TDRD7: variants seen among roughly 807,000 people sequenced by gnomAD.
TDRD7 encodes tudor domain-containing protein 7.
TDRD7 carries 47 observed loss-of-function variants against 109.8 expected under a neutral mutation model. That is an observed-to-expected ratio of 0.43 (90% confidence interval 0.34 to 0.55). The LOEUF (loss-of-function observed/expected upper bound fraction) is 0.55. TDRD7 is among the 20% of genes least tolerant of loss of function. TDRD7 has a pLI of 0.03. For synonymous variants in TDRD7, 424 were observed against 457.3 expected, an observed-to-expected ratio of 0.93 and a Z score of 0.93; for missense variants, 1,164 against 1,319.2, an observed-to-expected ratio of 0.88 and a Z score of 1.82.
intron 6 of TDRD7, among the ~76,000 whole-genome samples, chr9:97,446,237 A>G (rs1021623926): frequency 2.0e-5 from 3 of 152,170 alleles, no homozygotes; most frequent in Non-Finnish European, 2.9e-5. Flanking sequence ...TAGCCAGAAT[A>G]TCTGTCTCCC....
At chr9:97,430,849 C>G in intron 2 of TDRD7, 84 bp from the exon 3 acceptor site, 1 of 1,564,462 alleles carries the variant, frequency 6.4e-7, no homozygotes, top group Non-Finnish European at 8.8e-7. Flanking sequence ...TGTAGGCTCA[C>G]TAAGATCCAC....
At chr9:97,488,813 A>G (rs932760265) in intron 16 of TDRD7, among the ~76,000 whole-genome samples, 2 of 152,144 alleles carry the variant, frequency 1.3e-5, no homozygotes, top group Non-Finnish European at 2.9e-5. Context: ...TTTCCCTCTA[A>G]GTACAGCTTT....
chr9:97,442,888 A>G (rs1426976743), intron 6 of TDRD7, among the ~76,000 whole-genome samples: 1 of 151,698 alleles, frequency 6.6e-6, no homozygotes, highest in Non-Finnish European at 1.5e-5. Context: ...CTTCGCCTCC[A>G]GGGTTCAGGT....
intron 1 of TDRD7, among the ~76,000 whole-genome samples, chr9:97,423,683 C>T (rs916260180): frequency 2.6e-5 from 4 of 151,950 alleles, no homozygotes; most frequent in Admixed American, 1.3e-4. Flanking sequence ...ATACTTTTAC[C>T]GCATCCAGCA....
intron 7 of TDRD7, 55 bp from the exon 8 acceptor site, chr9:97,464,787 T>A: frequency 6.2e-7 from 1 of 1,602,390 alleles, no homozygotes; most frequent in Non-Finnish European, 8.5e-7. Flanking sequence ...GAATTCCTAT[T>A]GCTTTTCTTC....
chr9:97,469,641 A>C (rs771677660), intron 8 of TDRD7, among the ~76,000 whole-genome samples: 4 of 152,190 alleles, frequency 2.6e-5, no homozygotes, highest in Non-Finnish European at 5.9e-5. Context: ...GTTTCTTTCA[A>C]TAACCATCAT....
intron 6 of TDRD7, among the ~76,000 whole-genome samples, chr9:97,458,716 A>T (rs766874749): frequency 9.9e-5 from 15 of 152,178 alleles, no homozygotes; most frequent in Non-Finnish European, 1.5e-4. Context: ...TGAAGAGGAA[A>T]ACCTAATGTT....
chr9:97,422,034 A>G (rs1827908964), intron 1 of TDRD7, among the ~76,000 whole-genome samples: 1 of 152,146 alleles, frequency 6.6e-6, no homozygotes, highest in Admixed American at 6.5e-5. Flanking sequence ...TTGCATATGA[A>G]TGACCAGTTT....
At chr9:97,413,440 A>G (rs1466770303) in intron 1 of TDRD7, among the ~76,000 whole-genome samples, 1 of 152,210 alleles carries the variant, frequency 6.6e-6, no homozygotes, top group African/African-American at 2.4e-5. Context: ...TTCCAAGATA[A>G]CCACTGTATA....
intron 10 of TDRD7, 32 bp from the exon 11 acceptor site, chr9:97,473,460 A>G (rs779430703): frequency 1.9e-6 from 3 of 1,612,962 alleles, no homozygotes; most frequent in South Asian, 1.1e-5. Context: ...TCTGCTCTCA[A>G]GCATTCACGA....
chr9:97,437,905 C>T lies in TDRD7; in HGVS notation c.564-1340C>T, dbSNP rs576646652. Among the ~76,000 whole-genome samples the T allele has an allele frequency of 1.6e-4, 25 of 152,242 alleles. 1 individual carries two copies. The East Asian group carries it at 4.6e-3, about 28-fold the overall frequency. ...ATCTTATTTTATTATGTCTGTTTTT[C>T]ATGCATCCTAGCAGTTTTCTTTGAA... On this transcript the variant is annotated intron_variant, in intron 4 of 16. Coordinates refer to ENST00000355295, the MANE Select transcript of TDRD7 (RefSeq NM_014290.3).
At chr9:97,473,269 G>A (rs1291438198) in intron 10 of TDRD7, among the ~76,000 whole-genome samples, 2 of 152,190 alleles carry the variant, frequency 1.3e-5, no homozygotes, top group Non-Finnish European at 1.5e-5. Flanking sequence ...TGTCTATTTT[G>A]TGCTTGGCAT....
At chr9:97,452,207 C>T (rs893809715) in intron 6 of TDRD7, among the ~76,000 whole-genome samples, 5 of 152,056 alleles carry the variant, frequency 3.3e-5, no homozygotes, top group Non-Finnish European at 5.9e-5. Context: ...GAACAAGTCC[C>T]AGCCTTAACA....
intron 4 of TDRD7, among the ~76,000 whole-genome samples, chr9:97,438,351 C>G (rs1296139429): frequency 6.6e-6 from 1 of 152,132 alleles, no homozygotes; most frequent in Non-Finnish European, 1.5e-5. Flanking sequence ...TTAGACTGTT[C>G]CATACTATTC....
At chr9:97,467,114 A>G (rs961435772) in intron 8 of TDRD7, among the ~76,000 whole-genome samples, 1 of 152,112 alleles carries the variant, frequency 6.6e-6, no homozygotes, top group Admixed American at 6.5e-5. Flanking sequence ...GGAGATAACT[A>G]TCCCTAAACG....
At chr9:97,428,365 T>G (rs1477340988) in intron 1 of TDRD7, 95 bp from the exon 2 acceptor site, 1 of 1,232,234 alleles carries the variant, frequency 8.1e-7, no homozygotes, top group East Asian at 2.5e-5. Flanking sequence ...TATGCAGTAA[T>G]AATTTATAAA....
At chr9:97,483,901 T>C (rs1488839620) in intron 15 of TDRD7, among the ~76,000 whole-genome samples, 3 of 152,210 alleles carry the variant, frequency 2.0e-5, no homozygotes, top group African/African-American at 7.2e-5. Context: ...ACCTTTATAA[T>C]GGCTATTTTA....
At chr9:97,449,474 C>T (rs934953754) in intron 6 of TDRD7, among the ~76,000 whole-genome samples, 1 of 152,116 alleles carries the variant, frequency 6.6e-6, no homozygotes, top group Admixed American at 6.6e-5. Flanking sequence ...TGGAGTGGCT[C>T]GCAGAACTCA....
chr9:97,483,185 T>C lies in TDRD7; in HGVS notation c.2749T>C (p.Tyr917His). 1 of 1,614,054 alleles carries C rather than the reference T, an allele frequency of 6.2e-7. No individual in the cohort carries two copies. Residue 917 changes from tyrosine to histidine, a missense_variant, in exon 15 of 17, where the codon TAT (tyrosine) becomes CAT (histidine). Physicochemically the swap from Tyr to His is moderately conservative, Grantham distance 83. Transcript: ENST00000355295. ...LSKPGEHMDV[Y>H]VPVACHPGYF... is the part of the protein sequence containing the mutation. ...AAAGCCAGGGGAACACATGGATGTG[T>C]ATGTGCCTGTGGCCTGTCACCCAGG...
Sources: allele counts gnomAD v4.1 joint callset (sites outside exome capture counted in the v4.1 genomes callset), GRCh38; gene constraint gnomAD v4.1.1; transcripts MANE v1.5; gene names NCBI Gene and HGNC (gene_info 2026-07-23, HGNC 2026-07-21).